SLC35F4: variants seen among roughly 807,000 people sequenced by gnomAD.
The protein encoded by SLC35F4 is chromosome 14 open reading frame 36.
In SLC35F4, 24 loss-of-function variants were observed where a neutral mutation model predicts 44.2. The ratio of observed to expected loss-of-function variants is 0.54; its 90% confidence interval spans 0.39 to 0.76. The LOEUF is 0.76. Ranked by LOEUF, SLC35F4 falls within the 30% of genes least tolerant of loss-of-function variation. The pLI is 0.00. For synonymous variants in SLC35F4, 238 were observed against 223.6 expected (o/e 1.06, Z -0.57); for missense variants, 562 against 586.1 (o/e 0.96, Z 0.42).
intron 1 of SLC35F4, among the ~76,000 whole-genome samples, chr14:57,764,697 G>T (rs747867081): frequency 8.5e-5 from 13 of 152,170 alleles, no homozygotes; most frequent in Non-Finnish European, 1.8e-4. Context: ...ATACTGAATT[G>T]TATGTGTGTG....
intron 1 of SLC35F4, among the ~76,000 whole-genome samples, chr14:57,695,436 GC>G (rs1297154373): frequency 2.0e-5 from 3 of 151,532 alleles, no homozygotes; most frequent in Non-Finnish European, 4.4e-5. Context: ...ATCATCACTG[GC>G]CATCAGAGAA....
At chr14:57,774,784 C>T (rs2077448329) in intron 1 of SLC35F4, among the ~76,000 whole-genome samples, 1 of 152,222 alleles carries the variant, frequency 6.6e-6, no homozygotes, top group African/African-American at 2.4e-5. Context: ...CTCCCCTGTG[C>T]CACTTTGCCT....
At chr14:57,874,977 T>A (rs561435544) in intron 1 of SLC35F4, among the ~76,000 whole-genome samples, 3 of 150,596 alleles carry the variant, frequency 2.0e-5, no homozygotes, top group Non-Finnish European at 4.4e-5. Flanking sequence ...GTGGAATAAA[T>A]AAATAAATAA....
intron 1 of SLC35F4, among the ~76,000 whole-genome samples, chr14:57,704,109 A>G (rs890249174): frequency 1.3e-5 from 2 of 152,338 alleles, no homozygotes; most frequent in Non-Finnish European, 2.9e-5. Flanking sequence ...AGAGAGTTCA[A>G]AACTATTTTA....
intron 1 of SLC35F4, among the ~76,000 whole-genome samples, chr14:57,822,376 T>C (rs1489989436): frequency 6.6e-6 from 1 of 152,076 alleles, no homozygotes; most frequent in East Asian, 1.9e-4. Flanking sequence ...AGAAAGAAAA[T>C]CAAGGTCAGC....
intron 1 of SLC35F4, among the ~76,000 whole-genome samples, chr14:57,745,483 A>T (rs2076730234): frequency 6.6e-6 from 1 of 152,250 alleles, no homozygotes; most frequent in African/African-American, 2.4e-5. Context: ...ACATGAAAAA[A>T]TGCTCATCAT....
intron 1 of SLC35F4, among the ~76,000 whole-genome samples, chr14:57,887,442 A>G (rs1396421497): frequency 1.3e-5 from 2 of 152,200 alleles, no homozygotes; most frequent in African/African-American, 4.8e-5. Context: ...TGAACCCGAT[A>G]AACGGGATGT....
At chr14:57,690,555 G>C (rs2140330402) in intron 1 of SLC35F4, among the ~76,000 whole-genome samples, 1 of 152,054 alleles carries the variant, frequency 6.6e-6, no homozygotes, top group East Asian at 1.9e-4. Flanking sequence ...TGGTGATGAG[G>C]GATGGTTTGG....
chr14:57,664,613 G>C (rs558503086), intron 1 of SLC35F4, among the ~76,000 whole-genome samples: 1 of 152,216 alleles, frequency 6.6e-6, no homozygotes, highest in Admixed American at 6.5e-5. Context: ...GTCTCACCAT[G>C]TTGGCTAAGC....
chr14:57,569,216 G>C (rs1319670274), intron 6 of SLC35F4, among the ~76,000 whole-genome samples: 1 of 152,160 alleles, frequency 6.6e-6, no homozygotes, highest in African/African-American at 2.4e-5. Flanking sequence ...TTCTCAGCCA[G>C]AGTGAGCTGT....
chr14:57,807,946 G>C (rs147312025), intron 1 of SLC35F4, among the ~76,000 whole-genome samples: 1,677 of 151,804 alleles, frequency 0.011, 19 homozygotes, highest in Middle Eastern at 0.058. Context: ...CATGGTGGCA[G>C]GCAAGAGAAC....
At chr14:57,933,522 T>C (rs931415857) in intron 1 of SLC35F4, among the ~76,000 whole-genome samples, 2 of 152,162 alleles carry the variant, frequency 1.3e-5, no homozygotes, top group African/African-American at 4.8e-5. Flanking sequence ...CTTCTTCTCT[T>C]ATTGAAAATA....
rs138319357 is a variant in SLC35F4, at chr14:57,616,968, T to C, written c.104-22844A>G. On this transcript the variant is annotated intron_variant, in intron 1 of 7. Transcript: ENST00000556826. ...AATCAGAGCCACAGACACTGCATTA[T>C]ACATTATGAAAATGTGGTTTTCTGT... Among the ~76,000 whole-genome samples the C allele has an allele frequency of 3.9e-5, 6 of 152,222 alleles. No homozygotes were observed. The East Asian group carries it at 7.7e-4, about 20-fold the overall frequency.
intron 1 of SLC35F4, among the ~76,000 whole-genome samples, chr14:57,768,551 T>C (rs574517678): frequency 6.6e-6 from 1 of 152,344 alleles, no homozygotes; most frequent in African/African-American, 2.4e-5. Context: ...CAAGCCTCCA[T>C]GAACCGCTCC....
intron 1 of SLC35F4, among the ~76,000 whole-genome samples, chr14:57,621,204 G>A (rs1450072349): frequency 2.0e-5 from 3 of 150,638 alleles, no homozygotes; most frequent in African/African-American, 7.3e-5. Flanking sequence ...CATGCTCATG[G>A]GTAGGAAGAA....
intron 1 of SLC35F4, among the ~76,000 whole-genome samples, chr14:57,791,364 C>T (rs1001302946): frequency 6.6e-6 from 1 of 152,088 alleles, no homozygotes; most frequent in Admixed American, 6.6e-5. Context: ...TTATGGCCAA[C>T]AAACATGTGA....
chr14:57,592,928 A>C (rs1236076587), intron 2 of SLC35F4, among the ~76,000 whole-genome samples: 1 of 152,064 alleles, frequency 6.6e-6, no homozygotes, highest in Non-Finnish European at 1.5e-5. Context: ...TTTGAGGATG[A>C]AAGAGATTTT....
At chr14:57,974,847 T>G (rs1881167655), downstream of SLC35F4, among the ~76,000 whole-genome samples, 1 of 152,216 alleles carries the variant, frequency 6.6e-6, no homozygotes, top group African/African-American at 2.4e-5. Context: ...AAGTACCTTA[T>G]AAGAATTCAT....
At position 57,596,419 on chromosome 14, in the gene SLC35F4, C is replaced by T; in HGVS notation, c.104-2295G>A. 3 of 261,442 alleles carry T rather than the reference C, an allele frequency of 1.1e-5. No individual in the cohort carries two copies. The South Asian group carries it at 1.3e-4, about 11-fold the overall frequency. The allele number at this position is 261,442 out of a possible 1,614,324, so 16.2% of individuals were successfully genotyped here. A position where few individuals can be genotyped will look rare whatever the true frequency, so the allele number is the denominator to read the frequency against. ...ACAATTCAAGTTCGATAAAAACGGA[C>T]TGTCTGAAATTCAGTGAACTCACAA... is the stretch of plus-strand genomic sequence containing the variant. On this transcript the variant is annotated intron_variant, in intron 1 of 7. Transcript: ENST00000556826.
Sources: allele counts gnomAD v4.1 joint callset (sites outside exome capture counted in the v4.1 genomes callset), GRCh38; gene constraint gnomAD v4.1.1; transcripts MANE v1.5; gene names NCBI Gene and HGNC (gene_info 2026-07-23, HGNC 2026-07-21).